Variants in ANOS1 observed in about 807,000 individuals in gnomAD.
The protein encoded by ANOS1 is anosmin-1.
In ANOS1, 6 loss-of-function variants were observed where a neutral mutation model predicts 59.0. The ratio of observed to expected loss-of-function variants is 0.10; its 90% CI spans 0.06 to 0.20. ANOS1 has a LOEUF of 0.20. Among genes scored for constraint, ANOS1 ranks in the 10% least tolerant of loss-of-function variants. The probability of loss-of-function intolerance (pLI) is 1.00; values close to 1 mark genes in which losing one functional copy is unlikely to be tolerated. For synonymous variants in ANOS1, 217 were observed against 223.4 expected, an observed-to-expected ratio of 0.97 and a Z score of 0.25; for missense variants, 433 against 542.3, an observed-to-expected ratio of 0.80 and a Z score of 2.00.
At chrX:8,643,390 C>A (rs1350896995) in intron 2 of ANOS1, among the ~76,000 whole-genome samples, 2 of 111,283 alleles carry the variant, frequency 1.8e-5, no homozygotes, top group African/African-American at 6.5e-5. Context: ...TTCCATTCTA[C>A]TTGAGGACTA....
intron 1 of ANOS1, among the ~76,000 whole-genome samples, chrX:8,718,140 C>A (rs1044098650): frequency 1.1e-4 from 12 of 111,760 alleles, no homozygotes; most frequent in African/African-American, 3.9e-4. Context: ...ATGGCACTAT[C>A]CATCAAGGAT....
At chrX:8,648,050 G>A (rs1403346885) in intron 2 of ANOS1, among the ~76,000 whole-genome samples, 4 of 112,254 alleles carry the variant, frequency 3.6e-5, no homozygotes, top group Non-Finnish European at 7.5e-5. Flanking sequence ...TTGATAAACT[G>A]TACAAATATT....
intron 4 of ANOS1, among the ~76,000 whole-genome samples, chrX:8,594,680 A>G (rs189276818): frequency 2.3e-3 from 131 of 56,960 alleles, no homozygotes; most frequent in African/African-American, 9.7e-3. Context: ...ATATATATAT[A>G]TATATATATA....
chrX:8,548,182 T>C (rs969075438), intron 9 of ANOS1, among the ~76,000 whole-genome samples: 3 of 112,519 alleles, frequency 2.7e-5, no homozygotes, highest in African/African-American at 6.5e-5. Context: ...TTCTTTTTTT[T>C]CTATATTTCC....
chrX:8,556,815 T>A (rs1929957474), intron 8 of ANOS1, among the ~76,000 whole-genome samples: 1 of 111,999 alleles, frequency 8.9e-6, no homozygotes, highest in Non-Finnish European at 1.9e-5. Context: ...TTTACAGAAT[T>A]AGAAAAAACT....
chrX:8,554,992 C>G (rs1929926865), intron 8 of ANOS1, among the ~76,000 whole-genome samples: 1 of 111,219 alleles, frequency 9.0e-6, no homozygotes, highest in Admixed American at 9.7e-5. Flanking sequence ...AAATATTCCT[C>G]AGCAAATGCA....
Position 8,530,537 on chromosome X carries a change from C to A in ANOS1, c.*2458G>T, listed in dbSNP as rs1929480339. On this transcript the variant is annotated 3_prime_UTR_variant, in exon 14 of 14. Coordinates refer to ENST00000262648, the MANE Select transcript of ANOS1 (RefSeq NM_000216.4). ...TTATTAGCCCATTAATAGCATTTTTCTTCCAATAACACCAATAAAATTTAA... is the reference window on the plus strand; with the variant it reads ...TTATTAGCCCATTAATAGCATTTTTATTCCAATAACACCAATAAAATTTAA... The A allele has an allele frequency of 9.1e-6, 1 of 110,212 alleles. No homozygotes were observed. Among genetic ancestry groups the A allele is most frequent in the African/African-American group, 3.3e-5 (1 of 30,506 alleles). The allele number at this position is 110,212 out of a possible 1,213,427, so 9.1% of individuals were successfully genotyped here.
chrX:8,684,842 C>T (rs771760303), intron 2 of ANOS1, among the ~76,000 whole-genome samples: 2 of 110,885 alleles, frequency 1.8e-5, no homozygotes, highest in South Asian at 7.8e-4. Flanking sequence ...CATCAAAAGA[C>T]CCACCTTCCT....
At chrX:8,698,491 C>T (rs1346800351) in intron 2 of ANOS1, among the ~76,000 whole-genome samples, 2 of 112,111 alleles carry the variant, frequency 1.8e-5, no homozygotes, top group African/African-American at 6.5e-5. Context: ...ATTTAATCAG[C>T]CTCATAGCAT....
rs1000121027 is a variant in ANOS1 at position 8,539,558 on chromosome X, A to G, written c.1449+106T>C. 75 of 1,144,756 alleles carry G rather than the reference A, an allele frequency of 6.6e-5. No homozygotes were observed. The African/African-American group carries it at 1.1e-3, about 17-fold the overall frequency. 94.3% of individuals were successfully genotyped at this position (1,144,756 alleles called of 1,213,427 possible). A position where few individuals can be genotyped will look rare whatever the true frequency, so the allele number is the denominator to read the frequency against. On this transcript the variant is annotated intron_variant, in intron 10 of 13. Transcript: ENST00000262648. ...TCCACTTCCATCAAGTCATTACTCC[A>G]TAGCTGATTTGTGGGAATGAGTTAT...
At chrX:8,667,314 G>A (rs1401881298) in intron 2 of ANOS1, among the ~76,000 whole-genome samples, 1 of 109,603 alleles carries the variant, frequency 9.1e-6, no homozygotes, top group African/African-American at 3.3e-5. Flanking sequence ...TTTTTGCGGG[G>A]GGATGGGGGT....
At chrX:8,660,444 C>T (rs1227874045) in intron 2 of ANOS1, among the ~76,000 whole-genome samples, 2 of 111,063 alleles carry the variant, frequency 1.8e-5, no homozygotes, top group Admixed American at 9.6e-5. Flanking sequence ...GGTCAGCCAG[C>T]TTGCCAGACT....
intron 2 of ANOS1, among the ~76,000 whole-genome samples, chrX:8,625,108 CAAAAAT>C (rs201666765): frequency 0.014 from 1,511 of 107,193 alleles, 36 homozygotes; most frequent in African/African-American, 0.049. Flanking sequence ...AACTCTGTCT[CAAAAAT>C]AAAAATAAAA....
chrX:8,544,196 G>A (rs1393110437), intron 9 of ANOS1, among the ~76,000 whole-genome samples: 1 of 107,882 alleles, frequency 9.3e-6, no homozygotes, highest in Non-Finnish European at 1.9e-5. Context: ...AGAATGATAG[G>A]GTTATTGACA....
chrX:8,680,952 A>G (rs780574370), intron 2 of ANOS1, among the ~76,000 whole-genome samples: 46 of 111,825 alleles, frequency 4.1e-4, no homozygotes, highest in Non-Finnish European at 7.1e-4. Flanking sequence ...TTCCATTTGT[A>G]AAAAGGTTCC....
At chrX:8,726,366 G>A (rs1442071586) in intron 1 of ANOS1, among the ~76,000 whole-genome samples, 1 of 111,301 alleles carries the variant, frequency 9.0e-6, no homozygotes, top group Non-Finnish European at 1.9e-5. Flanking sequence ...GGCGAATAAC[G>A]TCCCATTAAG....
At chrX:8,586,970 G>T (rs1930524238) in intron 5 of ANOS1, among the ~76,000 whole-genome samples, 1 of 107,470 alleles carries the variant, frequency 9.3e-6, no homozygotes. Flanking sequence ...AAAAAAAATA[G>T]GAATCTAGTC....
chrX:8,620,526 G>T (rs1931272431), intron 3 of ANOS1, among the ~76,000 whole-genome samples: 1 of 111,963 alleles, frequency 8.9e-6, no homozygotes, highest in Non-Finnish European at 1.9e-5. Flanking sequence ...TGTGAGAATG[G>T]GGAGGATGAA....
At chrX:8,721,746 G>C (rs1337617957) in intron 1 of ANOS1, among the ~76,000 whole-genome samples, 1 of 112,577 alleles carries the variant, frequency 8.9e-6, no homozygotes, top group Non-Finnish European at 1.9e-5. Context: ...TAAGTGTTGT[G>C]GCTTGAATGT....
Sources: allele counts gnomAD v4.1 joint callset (sites outside exome capture counted in the v4.1 genomes callset), GRCh38; gene constraint gnomAD v4.1.1; transcripts MANE v1.5; gene names NCBI Gene and HGNC (gene_info 2026-07-23, HGNC 2026-07-21).